Variants in ABI3BP observed in about 807,000 individuals in gnomAD.
ABI3BP encodes target of Nesh-SH3.
ABI3BP carries 216 observed loss-of-function variants against 268.6 expected under a neutral mutation model. The observed-to-expected ratio is 0.80, with a 90% CI of 0.72 to 0.90. ABI3BP has a LOEUF of 0.90. Among genes scored for constraint, ABI3BP ranks in the 40% least tolerant of loss-of-function variants. The pLI, the probability that ABI3BP is intolerant of heterozygous loss-of-function variation, is 0.00. For missense variants in ABI3BP, 2,090 were observed against 2,182.4 expected (o/e 0.96, Z 0.84); for synonymous variants, 730 against 730.0 (o/e 1.00, Z 0.00).
At chr3:100,933,722 A>C (rs1023450583) in intron 1 of ABI3BP, among the ~76,000 whole-genome samples, 1 of 151,816 alleles carries the variant, frequency 6.6e-6, no homozygotes, top group Non-Finnish European at 1.5e-5. Flanking sequence ...ACATGAAAAA[A>C]ATAACAAAAA....
At chr3:100,990,520 G>A (rs2092741166) in intron 1 of ABI3BP, among the ~76,000 whole-genome samples, 2 of 149,732 alleles carry the variant, frequency 1.3e-5, no homozygotes, top group Non-Finnish European at 3.0e-5. Flanking sequence ...ATGCAAATAG[G>A]CACACCACAT....
chr3:100,876,431 A>T, intron 7 of ABI3BP, 81 bp downstream of exon 7: 2 of 1,260,814 alleles, frequency 1.6e-6, no homozygotes, highest in Non-Finnish European at 2.2e-6. Context: ...AAAATCGAGA[A>T]AATATGTGCC....
Position 100,749,652 on chromosome 3 carries a change from TCATC to T in ABI3BP, c.*839_*842del, listed in dbSNP as rs2095217593. On this transcript the variant is annotated 3_prime_UTR_variant, in exon 68 of 68. Transcript: ENST00000471714. Reference sequence around the variant, plus strand: ...ATATCCTATAAAATGGTAGGCAATCTCATCGTGCATTATCTTTTTGTGCTCAGAC... The same window carrying T: ...ATATCCTATAAAATGGTAGGCAATCTGTGCATTATCTTTTTGTGCTCAGAC... The T allele has an allele frequency of 2.5e-6, 1 of 398,440 alleles. No homozygotes were observed. Among genetic ancestry groups the T allele is most frequent in the Admixed American group, 4.4e-5 (1 of 22,696 alleles). The allele number at this position is 398,440 out of a possible 1,614,324, so 24.7% of individuals were successfully genotyped here.
At chr3:100,822,497 G>T in intron 38 of ABI3BP, 92 bp downstream of exon 38, 2 of 1,077,422 alleles carry the variant, frequency 1.9e-6, no homozygotes, top group Non-Finnish European at 2.7e-6. Flanking sequence ...TCTCACAGGG[G>T]CCTATTGGTT....
chr3:100,805,511 A>G (rs897964836), intron 50 of ABI3BP, among the ~76,000 whole-genome samples: 50 of 152,136 alleles, frequency 3.3e-4, no homozygotes, highest in Non-Finnish European at 5.9e-4. Context: ...ATTATAGTGT[A>G]TTCTATGATT....
In ABI3BP at chr3:100,815,939, T is replaced by C; in HGVS notation, c.3262A>G (p.Ser1088Gly). Residue 1088 changes from serine to glycine, a missense_variant, in exon 44 of 68, where the codon AGT becomes GGT. Ser to Gly is a moderately conservative substitution (Grantham distance 56). Coordinates refer to ENST00000471714, the MANE Select transcript of ABI3BP (RefSeq NM_001375547.2). The part of the protein sequence containing the change: ...SVTGFEPVVH[S>G]TDAPGTTFAL... ...AATGTTGTTCCTGGAGCATCAGTAC[T>C]ATGAACAACAGGTTCAAAGCCTGTA... 6.5e-7 allele frequency: 1 copy of C among 1,528,654 alleles called. No homozygotes were observed. Among genetic ancestry groups the C allele is most frequent in the Non-Finnish European group, 8.7e-7 (1 of 1,144,792 alleles). 94.7% of individuals were successfully genotyped at this position (1,528,654 alleles called of 1,614,324 possible).
intron 34 of ABI3BP, among the ~76,000 whole-genome samples, chr3:100,828,093 T>C (rs1311911921): frequency 1.3e-5 from 2 of 152,112 alleles, no homozygotes. Flanking sequence ...AAGAAACTTC[T>C]GTGTTACAGC....
intron 2 of ABI3BP, among the ~76,000 whole-genome samples, chr3:100,924,017 C>A (rs1018364378): frequency 1.3e-5 from 2 of 152,090 alleles, no homozygotes; most frequent in Admixed American, 6.6e-5. Flanking sequence ...CTACATTCCC[C>A]CTTCCCGCAA....
intron 57 of ABI3BP, among the ~76,000 whole-genome samples, chr3:100,784,818 G>A (rs1021398708): frequency 2.8e-4 from 42 of 152,120 alleles, no homozygotes; most frequent in African/African-American, 1.0e-3. Context: ...ACTTAAAAGT[G>A]GGAGGTAAGC....
chr3:100,962,825 G>A (rs932811236), intron 1 of ABI3BP, among the ~76,000 whole-genome samples: 7 of 152,130 alleles, frequency 4.6e-5, no homozygotes, highest in East Asian at 3.9e-4. Context: ...ATTGATTTTC[G>A]TGACTTGAAC....
intron 40 of ABI3BP, 37 bp from the exon 41 acceptor site, chr3:100,818,618 A>C: frequency 6.9e-7 from 1 of 1,456,932 alleles, no homozygotes; most frequent in South Asian, 1.2e-5. Flanking sequence ...GTGAAAAGCC[A>C]GTAAATTATA....
At chr3:100,912,846 T>C (rs538165393) in intron 2 of ABI3BP, among the ~76,000 whole-genome samples, 2 of 152,120 alleles carry the variant, frequency 1.3e-5, no homozygotes, top group Non-Finnish European at 2.9e-5. Flanking sequence ...ACCTCCTAAG[T>C]GTGGCCATGG....
chr3:100,951,182 C>T (rs1171380250), intron 1 of ABI3BP, among the ~76,000 whole-genome samples: 1 of 151,896 alleles, frequency 6.6e-6, no homozygotes, highest in Non-Finnish European at 1.5e-5. Context: ...TCCCATAACT[C>T]CTCTCTAGCA....
At chr3:100,869,847 C>G (rs1346035740) in intron 9 of ABI3BP, among the ~76,000 whole-genome samples, 5 of 152,166 alleles carry the variant, frequency 3.3e-5, no homozygotes, top group African/African-American at 9.7e-5. Flanking sequence ...TCCTTTTCCT[C>G]TATTTCTTCT....
At chr3:100,836,785 TC>T (rs901713617) in intron 27 of ABI3BP, among the ~76,000 whole-genome samples, 31 of 152,182 alleles carry the variant, frequency 2.0e-4, no homozygotes, top group Admixed American at 2.6e-4. Context: ...TTTTCATTGC[TC>T]CCCTCCCACA....
chr3:100,862,273 T>C, intron 14 of ABI3BP, 38 bp downstream of exon 14: 1 of 1,372,616 alleles, frequency 7.3e-7, no homozygotes, highest in Non-Finnish European at 1.0e-6. Flanking sequence ...CAATATTCCT[T>C]GTTATAATCG....
intron 34 of ABI3BP, among the ~76,000 whole-genome samples, chr3:100,826,307 A>T (rs1258140901): frequency 1.3e-5 from 2 of 152,184 alleles, no homozygotes; most frequent in African/African-American, 4.8e-5. Flanking sequence ...CACCTAATTT[A>T]TACTGCTTTG....
At chr3:100,841,305 G>A (rs370961345) in intron 21 of ABI3BP, among the ~76,000 whole-genome samples, 99 of 144,328 alleles carry the variant, frequency 6.9e-4, no homozygotes, top group African/African-American at 2.4e-3. Context: ...TTCCTAGTCC[G>A]TGGCACTTTT....
chr3:100,752,706 T>G (rs2095406335), intron 66 of ABI3BP, 81 bp downstream of exon 66: 1 of 1,497,934 alleles, frequency 6.7e-7, no homozygotes. Context: ...CTGAAACTCT[T>G]AAGAAAAGGC....
Sources: gnomAD v4.1 joint callset for allele counts (sites outside exome capture counted in the v4.1 genomes callset) on GRCh38, gnomAD v4.1.1 for gene constraint, MANE v1.5 for transcripts, NCBI Gene and HGNC (gene_info 2026-07-23, HGNC 2026-07-21) for gene names.